The following OCA2 variants were observed in gnomAD, a reference collection of about 807,000 sequenced individuals.
OCA2 encodes the protein P protein.
A neutral mutation model predicts 100.2 loss-of-function variants in OCA2; 77 were observed. The observed-to-expected ratio is 0.77, with a 90% CI of 0.64 to 0.93. The LOEUF (loss-of-function observed/expected upper bound fraction) is 0.93. OCA2 is among the 40% of genes least tolerant of loss of function. The probability of loss-of-function intolerance (pLI) is 0.00; values close to 1 mark genes in which losing one functional copy is unlikely to be tolerated. For missense variants in OCA2, 1,062 were observed against 1,089.1 expected (o/e 0.98, Z 0.35); for synonymous variants, 432 against 439.2 (o/e 0.98, Z 0.21).
intron 19 of OCA2, among the ~76,000 whole-genome samples, chr15:27,880,597 G>T (rs1452298157): frequency 1.3e-5 from 2 of 152,048 alleles, no homozygotes; most frequent in East Asian, 3.9e-4. Flanking sequence ...TGTATTCCTA[G>T]GTTTTTTATT....
intron 23 of OCA2, among the ~76,000 whole-genome samples, chr15:27,812,631 A>C (rs1280725130): frequency 3.9e-5 from 6 of 152,208 alleles, no homozygotes. Flanking sequence ...TATTCATTCC[A>C]AGTTCAGAAT....
At chr15:27,814,936 A>ATAGG (rs2034232235) in intron 23 of OCA2, among the ~76,000 whole-genome samples, 1 of 122,134 alleles carries the variant, frequency 8.2e-6, no homozygotes, top group African/African-American at 3.0e-5. Context: ...AGATAGATAG[A>ATAGG]TAGATAGATA....
intron 23 of OCA2, among the ~76,000 whole-genome samples, chr15:27,829,096 G>C (rs1314805087): frequency 6.6e-6 from 1 of 152,154 alleles, no homozygotes; most frequent in Non-Finnish European, 1.5e-5. Flanking sequence ...GGATGTGAAC[G>C]GACAGCTTCC....
intron 19 of OCA2, among the ~76,000 whole-genome samples, chr15:27,913,822 GAA>G (rs1567097398): frequency 1.6e-5 from 1 of 62,824 alleles, no homozygotes; most frequent in African/African-American, 5.5e-5. Context: ...AAAAGAGAAA[GAA>G]AGAAAGAAAG....
chr15:28,091,447 A>G (rs2044868480), intron 1 of OCA2, among the ~76,000 whole-genome samples: 1 of 152,212 alleles, frequency 6.6e-6, no homozygotes, highest in African/African-American at 2.4e-5. Flanking sequence ...ATTCAGTAAT[A>G]TATCAAAAGA....
chr15:27,897,876 C>G (rs546822602), intron 19 of OCA2, among the ~76,000 whole-genome samples: 2 of 152,322 alleles, frequency 1.3e-5, no homozygotes, highest in Admixed American at 1.3e-4. Flanking sequence ...CCGAGCTGCC[C>G]AAGACCATGG....
intron 19 of OCA2, among the ~76,000 whole-genome samples, chr15:27,913,925 AAGC>A: frequency 2.9e-5 from 2 of 69,600 alleles, no homozygotes; most frequent in Non-Finnish European, 5.1e-5. Flanking sequence ...GCAAGCAAGC[AAGC>A]AAGAAAGAAA....
intron 23 of OCA2, 105 bp downstream of exon 23, chr15:27,844,854 T>G: frequency 1.2e-6 from 1 of 850,818 alleles, no homozygotes; most frequent in Middle Eastern, 2.2e-4. Flanking sequence ...TCTCTCTACT[T>G]GCTAAAAATA....
At chr15:27,924,803 G>A (rs72712620) in intron 19 of OCA2, among the ~76,000 whole-genome samples, 35,665 of 151,896 alleles carry the variant, frequency 0.23, 4,892 homozygotes, top group East Asian at 0.62. Flanking sequence ...AGTAGCAGAC[G>A]TGAAGCCAAG....
chr15:27,874,266 A>G (rs1008952409), intron 19 of OCA2, among the ~76,000 whole-genome samples: 1 of 152,178 alleles, frequency 6.6e-6, no homozygotes, highest in Non-Finnish European at 1.5e-5. Flanking sequence ...AGGAGCGGCA[A>G]GACTTGAGTG....
chr15:27,883,657 G>A (rs562441358), intron 19 of OCA2, among the ~76,000 whole-genome samples: 4 of 152,232 alleles, frequency 2.6e-5, no homozygotes, highest in Non-Finnish European at 5.9e-5. Context: ...CGGCATTTGA[G>A]AACCTGAACA....
intron 23 of OCA2, among the ~76,000 whole-genome samples, chr15:27,830,204 C>T (rs771068842): frequency 7.9e-5 from 12 of 152,158 alleles, no homozygotes; most frequent in Non-Finnish European, 1.2e-4. Context: ...CAAAACACAA[C>T]AGATGGCCCA....
chr15:28,058,140 C>G (rs1164004417), intron 2 of OCA2, among the ~76,000 whole-genome samples: 1 of 152,154 alleles, frequency 6.6e-6, no homozygotes, highest in Non-Finnish European at 1.5e-5. Flanking sequence ...GAGGGTCCCC[C>G]CCAATAATGA....
chr15:27,969,346 T>C (rs1369074850), intron 14 of OCA2, among the ~76,000 whole-genome samples: 2 of 152,056 alleles, frequency 1.3e-5, no homozygotes, highest in Non-Finnish European at 1.5e-5. Context: ...AAAAGAGCAA[T>C]GATAAGGGAA....
chr15:28,096,986 G>T (rs957693821), intron 1 of OCA2, among the ~76,000 whole-genome samples: 1 of 152,132 alleles, frequency 6.6e-6, no homozygotes, highest in Non-Finnish European at 1.5e-5. Flanking sequence ...CGCCGCTGCC[G>T]CAAGCCTCCT....
At chr15:27,819,568 T>C (rs1025000452) in intron 23 of OCA2, among the ~76,000 whole-genome samples, 9 of 152,300 alleles carry the variant, frequency 5.9e-5, no homozygotes, top group African/African-American at 2.2e-4. Flanking sequence ...TGGTGGATGA[T>C]GGGAATTAGG....
chr15:28,006,666 TG>T (rs1374076806), intron 9 of OCA2, among the ~76,000 whole-genome samples: 1 of 152,214 alleles, frequency 6.6e-6, no homozygotes, highest in Non-Finnish European at 1.5e-5. Flanking sequence ...GAGGTATCTC[TG>T]GAACAAGGTA....
chr15:27,887,041 G>C (rs778712491), intron 19 of OCA2, among the ~76,000 whole-genome samples: 1 of 152,160 alleles, frequency 6.6e-6, no homozygotes, highest in Non-Finnish European at 1.5e-5. Flanking sequence ...TAAGTCTCAC[G>C]AGACCTGATG....
intron 9 of OCA2, among the ~76,000 whole-genome samples, chr15:28,002,974 G>C (rs1159639867): frequency 6.6e-6 from 1 of 152,204 alleles, no homozygotes; most frequent in Non-Finnish European, 1.5e-5. Context: ...GAGCTCGAAG[G>C]CACCACAGGA....
Sources: gnomAD v4.1 joint callset for allele counts (sites outside exome capture counted in the v4.1 genomes callset) on GRCh38, gnomAD v4.1.1 for gene constraint, MANE v1.5 for transcripts, NCBI Gene and HGNC (gene_info 2026-07-23, HGNC 2026-07-21) for gene names.